The following TMEM267 variants were observed in gnomAD, a reference collection of about 807,000 sequenced individuals.
TMEM267 encodes the protein transmembrane protein 267, also known as transmembrane protein C5orf28.
A neutral mutation model predicts 19.3 loss-of-function variants in TMEM267; 20 were observed. The ratio of observed to expected loss-of-function variants is 1.04; its 90% CI spans 0.73 to 1.51. The LOEUF (loss-of-function observed/expected upper bound fraction) is 1.51. Ranked by LOEUF, TMEM267 falls within the 40% of genes most tolerant of loss-of-function variation. TMEM267 has a pLI of 0.00. For synonymous variants in TMEM267, 88 were observed against 90.3 expected (o/e 0.97, Z 0.15); for missense variants, 242 against 261.9 (o/e 0.92, Z 0.52).
Position 43,445,042 on chromosome 5 carries a change from A to G in TMEM267, c.*1180T>C, listed in dbSNP as rs1337931333. ...ACCAATCACTAACATTATAAATCAC[A>G]AAAGTGTAAGAAAATCTGAAGACAG... On this transcript the variant is annotated 3_prime_UTR_variant, in exon 3 of 3. Coordinates refer to ENST00000397080, the MANE Select transcript of TMEM267 (RefSeq NM_022483.5). The G allele has an allele frequency of 6.6e-6, 1 of 152,174 alleles. No individual in the cohort carries two copies. The highest frequency in any genetic ancestry group is 1.5e-5 in the Non-Finnish European group (1 of 68,028). The allele number at this position is 152,174 out of a possible 1,614,324, so 9.4% of individuals were successfully genotyped here. A position where few individuals can be genotyped will look rare whatever the true frequency, so the allele number is the denominator to read the frequency against.
intron 2 of TMEM267, among the ~76,000 whole-genome samples, chr5:43,447,058 C>T (rs147552314): frequency 8.1e-4 from 122 of 150,560 alleles, no homozygotes; most frequent in Non-Finnish European, 1.4e-3. Flanking sequence ...ATTTTAAATA[C>T]GTATTCTAAA....
chr5:43,479,890 C>T, intron 1 of TMEM267: 1 of 442,700 alleles, frequency 2.3e-6, no homozygotes, highest in Non-Finnish European at 4.5e-6. Context: ...CAAAACATAC[C>T]TCCATTACAA....
chr5:43,461,692 G>T (rs1743273233), intron 1 of TMEM267, among the ~76,000 whole-genome samples: 1 of 152,168 alleles, frequency 6.6e-6, no homozygotes, highest in Non-Finnish European at 1.5e-5. Context: ...ATGGAGTCAG[G>T]CTCCTCTGTC....
At chr5:43,448,896 C>T (rs1003570221) in intron 2 of TMEM267, among the ~76,000 whole-genome samples, 1 of 149,238 alleles carries the variant, frequency 6.7e-6, no homozygotes, top group Non-Finnish European at 1.5e-5. Context: ...TATCACACGA[C>T]TCCAAAGTAC....
In TMEM267 at chr5:43,453,900, G is replaced by A; in HGVS notation, c.70C>T (p.Leu24Phe). ...TCSTESLISS[L>F]GLGAFCLVAD... ...ACGAGGCAAAATGCCCCCAGACCAAGGCTGGAAATAAGAGATTCAGTGCTA... is the reference window on the plus strand; with the variant it reads ...ACGAGGCAAAATGCCCCCAGACCAAAGCTGGAAATAAGAGATTCAGTGCTA... Residue 24 changes from leucine (L) to phenylalanine (F), a missense_variant, in exon 2 of 3, where the codon CTT becomes TTT. Transcript: ENST00000397080. 1 of 1,614,020 alleles carries A rather than the reference G, an allele frequency of 6.2e-7. No homozygotes were observed. Among genetic ancestry groups the A allele is most frequent in the Non-Finnish European group, 8.5e-7 (1 of 1,179,996 alleles).
At chr5:43,450,624 A>C (rs1742530205) in intron 2 of TMEM267, among the ~76,000 whole-genome samples, 1 of 152,194 alleles carries the variant, frequency 6.6e-6, no homozygotes, top group Non-Finnish European at 1.5e-5. Flanking sequence ...TGAGTGGCAC[A>C]GCTGGGATTT....
chr5:43,446,191 GC>G lies in TMEM267; in HGVS notation c.*30del. Reference sequence around the variant, plus strand: ...GCTACTCTTAATTATCATCATCTGAGCCATTTGCTTCTCTAAGACTGCCGTG... The same window carrying G: ...GCTACTCTTAATTATCATCATCTGAGCATTTGCTTCTCTAAGACTGCCGTG... On this transcript the variant is annotated 3_prime_UTR_variant, in exon 3 of 3. Transcript: ENST00000397080. 1 of 1,361,772 alleles carries G rather than the reference GC, an allele frequency of 7.3e-7. No homozygotes were observed. The highest frequency in any genetic ancestry group is 1.3e-5 in the South Asian group (1 of 79,684). The allele number at this position is 1,361,772 out of a possible 1,614,324, so 84.4% of individuals were successfully genotyped here.
At chr5:43,467,837 C>T (rs2112144146) in intron 1 of TMEM267, among the ~76,000 whole-genome samples, 1 of 152,260 alleles carries the variant, frequency 6.6e-6, no homozygotes, top group Admixed American at 6.5e-5. Flanking sequence ...TTGGGAAAGA[C>T]TTATCAGAAA....
At chr5:43,454,134 CAT>C in intron 1 of TMEM267, 91 bp from the exon 2 acceptor site, 1 of 879,152 alleles carries the variant, frequency 1.1e-6, no homozygotes, top group East Asian at 2.9e-5. Context: ...ATTTCACAAA[CAT>C]AAAACCAAGA....
chr5:43,463,756 T>C (rs79701705), intron 1 of TMEM267, among the ~76,000 whole-genome samples: 2,113 of 152,246 alleles, frequency 0.014, 57 homozygotes, highest in East Asian at 0.13. Flanking sequence ...ATTCAACAAC[T>C]CTTCATGCTA....
chr5:43,449,016 G>GA (rs1168524457), intron 2 of TMEM267, among the ~76,000 whole-genome samples: 13 of 150,980 alleles, frequency 8.6e-5, no homozygotes, highest in South Asian at 2.1e-4. Context: ...ACTCAGTATG[G>GA]AAAAAAAACA....
rs142621389 is a variant in TMEM267, at chr5:43,447,490, T to C, written c.313-933A>G. Among the ~76,000 whole-genome samples the C allele has an allele frequency of 7.3e-3, 1,107 of 152,306 alleles. 2 individuals carry two copies. Among genetic ancestry groups the C allele is most frequent in the Non-Finnish European group, 9.7e-3 (659 of 68,020 alleles). ...CCTGAATGATTCATGAGTAGGGTTT[T>C]GTTCTCACCTGCTTTAAAGACTAAT... On this transcript the variant is annotated intron_variant, in intron 2 of 2. Coordinates refer to ENST00000397080, the MANE Select transcript of TMEM267 (RefSeq NM_022483.5).
chr5:43,477,953 G>GACTCTACA (rs1744527238), intron 1 of TMEM267, among the ~76,000 whole-genome samples: 3 of 152,156 alleles, frequency 2.0e-5, no homozygotes, highest in African/African-American at 7.2e-5. Context: ...GTGGGTTTGT[G>GACTCTACA]GGCGTTAATG....
chr5:43,474,246 A>G (rs923058304), intron 1 of TMEM267, among the ~76,000 whole-genome samples: 1 of 152,252 alleles, frequency 6.6e-6, no homozygotes, highest in Non-Finnish European at 1.5e-5. Flanking sequence ...AACAAAAGCC[A>G]AAATAGACAA....
intron 1 of TMEM267, among the ~76,000 whole-genome samples, chr5:43,471,141 AT>A (rs1369420747): frequency 1.3e-5 from 2 of 152,166 alleles, no homozygotes; most frequent in African/African-American, 4.8e-5. Flanking sequence ...GCATTTCAAT[AT>A]GACAATATTG....
At chr5:43,461,945 G>T (rs1743292608) in intron 1 of TMEM267, among the ~76,000 whole-genome samples, 1 of 152,168 alleles carries the variant, frequency 6.6e-6, no homozygotes, top group African/African-American at 2.4e-5. Context: ...AGCAAACATA[G>T]GCAGTAGCCA....
Position 43,454,021 on chromosome 5 carries a change from T to C in TMEM267, c.-52A>G. The C allele has an allele frequency of 6.4e-7, 1 of 1,561,788 alleles. No homozygotes were observed. Among genetic ancestry groups the C allele is most frequent in the Non-Finnish European group, 8.7e-7 (1 of 1,155,114 alleles). ...AAAGCCATCAGGAATGAACAGTCTA[T>C]TCTTGTTTACATTTCCAGCACCCTA... On this transcript the variant is annotated 5_prime_UTR_variant, in exon 2 of 3. Coordinates refer to ENST00000397080, the MANE Select transcript of TMEM267 (RefSeq NM_022483.5).
rs747932144 is a variant in TMEM267, at chr5:43,453,796, A to G, written c.174T>C (p.Cys58=). Residue 58 remains cysteine (C), a synonymous_variant, in exon 2 of 3, where the codon TGT becomes TGC. Transcript: ENST00000397080. ...LRALSDNAVH[C]VIGMWSWAVV... ...CCGCCCATGACCACATGCCAATTACACAATGTACTGCATTATCTGAGAGAG... is the reference window on the plus strand; with the variant it reads ...CCGCCCATGACCACATGCCAATTACGCAATGTACTGCATTATCTGAGAGAG... 1.2e-6 allele frequency: 2 copies of G among 1,614,130 alleles called. No homozygotes were observed. Among genetic ancestry groups the G allele is most frequent in the Non-Finnish European group, 1.7e-6 (2 of 1,180,004 alleles).
chr5:43,453,679 T>C lies in TMEM267; in HGVS notation c.291A>G (p.Leu97=), dbSNP rs1363969635. 1 of 1,613,758 alleles carries C rather than the reference T, an allele frequency of 6.2e-7. No homozygotes were observed. The highest frequency in any genetic ancestry group is 8.5e-7 in the Non-Finnish European group (1 of 1,179,854). Residue 97 remains leucine (L), a synonymous_variant, in exon 2 of 3, where the codon CTA becomes CTG. Transcript: ENST00000397080. ...TTACCTTTAAAGACATGGATCCAGC[T>C]AGAAAAAAGTGGTCTACATCAATAA... The part of the protein sequence containing the change: ...ASVIDVDHFF[L]AGSMSLKAAL...
Sources: gnomAD v4.1 joint callset for allele counts (sites outside exome capture counted in the v4.1 genomes callset) on GRCh38, gnomAD v4.1.1 for gene constraint, MANE v1.5 for transcripts, NCBI Gene and HGNC (gene_info 2026-07-23, HGNC 2026-07-21) for gene names.